GUCY1A1: variants seen among roughly 807,000 people sequenced by gnomAD.
GUCY1A1 encodes the protein guanylate cyclase 1 soluble subunit alpha 1.
In GUCY1A1, 48 loss-of-function variants were observed where a neutral mutation model predicts 64.5. The observed-to-expected ratio is 0.74, with a 90% CI of 0.59 to 0.95. GUCY1A1 has a LOEUF of 0.95. Among genes scored for constraint, GUCY1A1 ranks in the 40% least tolerant of loss-of-function variants. The pLI is 0.00. For missense variants in GUCY1A1, 804 were observed against 825.3 expected (o/e 0.97, Z 0.32); for synonymous variants, 308 against 303.4 (o/e 1.02, Z -0.16).
At chr4:155,688,708 A>G (rs147667527) in intron 2 of GUCY1A1, among the ~76,000 whole-genome samples, 204 of 152,288 alleles carry the variant, frequency 1.3e-3, no homozygotes, top group African/African-American at 3.7e-3. Context: ...AAAACTGTGC[A>G]CTAAAAATAA....
At chr4:155,672,032 C>G (rs962064849) in intron 2 of GUCY1A1, among the ~76,000 whole-genome samples, 7 of 148,678 alleles carry the variant, frequency 4.7e-5, no homozygotes, top group African/African-American at 1.7e-4. Flanking sequence ...TTTTTTTGCA[C>G]TCATACAACA....
intron 2 of GUCY1A1, among the ~76,000 whole-genome samples, chr4:155,670,651 TA>T (rs1734020762): frequency 6.6e-6 from 1 of 152,168 alleles, no homozygotes; most frequent in Non-Finnish European, 1.5e-5. Context: ...GGCTACATCT[TA>T]AAACTTGAGG....
rs747266835 is a variant in GUCY1A1, at chr4:155,710,689, A to G, written c.524A>G (p.His175Arg). The G allele has an allele frequency of 6.2e-7, 1 of 1,614,120 alleles. No homozygotes were observed. Among genetic ancestry groups the G allele is most frequent in the South Asian group, 1.1e-5 (1 of 91,078 alleles). The change falls in exon 6 of 10, where the codon CAT (histidine) becomes CGT (arginine). Residue 175 changes from histidine to arginine, a missense_variant. By Grantham distance (29) the His-to-Arg change is conservative. Coordinates refer to ENST00000506455, the MANE Select transcript of GUCY1A1 (RefSeq NM_001130682.3). ...SFSTLLKQSS[H>R]CQEAGKRGRL... ...AGTACCCTTCTGAAACAGAGCAGCC[A>G]TTGCCAAGAAGCAGGAAAAAGGGGC...
At chr4:155,675,174 T>C (rs1267882387) in intron 2 of GUCY1A1, among the ~76,000 whole-genome samples, 3 of 151,692 alleles carry the variant, frequency 2.0e-5, no homozygotes, top group Non-Finnish European at 4.4e-5. Context: ...AATATCACTT[T>C]GCAGCTTCAA....
rs1579142542 is a variant in GUCY1A1, at chr4:155,730,342, C to G, written c.*111C>G. 4.9e-6 allele frequency: 3 copies of G among 611,760 alleles called. No homozygotes were observed. In the East Asian group the frequency reaches 8.2e-5, roughly 17 times the overall value. The allele number at this position is 611,760 out of a possible 1,614,324, so 37.9% of individuals were successfully genotyped here. ...TGGCTAACAAGCAGTATTAAAATTT[C>G]AGGAGCCAAGTCACAATCTTTCTCC... On this transcript the variant is annotated 3_prime_UTR_variant, in exon 10 of 10. Transcript: ENST00000506455.
At chr4:155,704,315 C>G (rs1252818091) in intron 4 of GUCY1A1, among the ~76,000 whole-genome samples, 1 of 152,150 alleles carries the variant, frequency 6.6e-6, no homozygotes, top group African/African-American at 2.4e-5. Flanking sequence ...TAACAAGCTC[C>G]TGTAAGGCCG....
intron 1 of GUCY1A1, 126 bp downstream of exon 1, chr4:155,667,091 A>G (rs1165254605): frequency 2.0e-5 from 3 of 152,080 alleles, no homozygotes; most frequent in Non-Finnish European, 2.9e-5. Context: ...GGGGTGATCA[A>G]AGAGGGAGAC....
Position 155,696,811 on chromosome 4 carries a change from T to C in GUCY1A1, c.-57T>C, listed in dbSNP as rs993646842. ...TAGTGGCTTCTGTTTGTCAGTCTCA[T>C]ATAAGAACTACAGCTCATCAGGAGG... On this transcript the variant is annotated 5_prime_UTR_variant, in exon 3 of 10. Coordinates refer to ENST00000506455, the MANE Select transcript of GUCY1A1 (RefSeq NM_001130682.3). 2 of 1,542,490 alleles carry C rather than the reference T, an allele frequency of 1.3e-6. No individual in the cohort carries two copies. The highest frequency in any genetic ancestry group is 1.7e-5 in the Admixed American group (1 of 57,896).
At chr4:155,671,338 A>C (rs959803956) in intron 2 of GUCY1A1, among the ~76,000 whole-genome samples, 17 of 152,308 alleles carry the variant, frequency 1.1e-4, no homozygotes, top group African/African-American at 4.1e-4. Context: ...TGTCAGCTTC[A>C]CTTTTAATGT....
At chr4:155,717,880 C>A (rs1733470945) in intron 8 of GUCY1A1, among the ~76,000 whole-genome samples, 2 of 152,184 alleles carry the variant, frequency 1.3e-5, no homozygotes, top group African/African-American at 4.8e-5. Flanking sequence ...TGCAACTGTG[C>A]ATCTGATTTA....
At chr4:155,713,061 T>C in intron 6 of GUCY1A1, 37 bp from the exon 7 acceptor site, 1 of 1,549,440 alleles carries the variant, frequency 6.5e-7, no homozygotes, top group Non-Finnish European at 8.7e-7. Context: ...TGTGGGAAAC[T>C]TGAATAAACC....
At chr4:155,678,233 G>A (rs1014419296) in intron 2 of GUCY1A1, among the ~76,000 whole-genome samples, 1 of 152,104 alleles carries the variant, frequency 6.6e-6, no homozygotes, top group South Asian at 2.1e-4. Flanking sequence ...TGCAATCTGT[G>A]AGAGAATGAG....
At chr4:155,684,733 ACCAACAGC>A (rs1252807875) in intron 2 of GUCY1A1, among the ~76,000 whole-genome samples, 1 of 152,210 alleles carries the variant, frequency 6.6e-6, no homozygotes, top group Non-Finnish European at 1.5e-5. Context: ...TGGCAGAGAC[ACCAACAGC>A]CTTTTTAGCT....
At chr4:155,709,644 G>A (rs1037953095) in intron 5 of GUCY1A1, among the ~76,000 whole-genome samples, 1 of 152,080 alleles carries the variant, frequency 6.6e-6, no homozygotes, top group African/African-American at 2.4e-5. Context: ...GACCAGCCTG[G>A]CCAACATGGT....
chr4:155,696,699 T>C, intron 2 of GUCY1A1, 57 bp from the exon 3 acceptor site: 1 of 557,508 alleles, frequency 1.8e-6, no homozygotes, highest in African/African-American at 1.9e-5. Context: ...TCTTTTTCTG[T>C]TTTCATCCGT....
intron 6 of GUCY1A1, among the ~76,000 whole-genome samples, chr4:155,711,915 G>T (rs144937349): frequency 1.3e-5 from 2 of 152,176 alleles, no homozygotes; most frequent in Admixed American, 1.3e-4. Flanking sequence ...AAAATATATT[G>T]AGATGTTTAA....
At position 155,730,764 on chromosome 4, in the gene GUCY1A1, TTTC is replaced by T. The variant is rs1735456654; in HGVS notation, c.*539_*541del. ...GGCTGACTTTTTTTCTCTATTGCAC[TTTC>T]TTCTTTTTTTCTTTTTAGAAAATAA... On this transcript the variant is annotated 3_prime_UTR_variant, in exon 10 of 10. Coordinates refer to ENST00000506455, the MANE Select transcript of GUCY1A1 (RefSeq NM_001130682.3). 6.5e-6 allele frequency: 1 copy of T among 153,406 alleles called. No individual in the cohort carries two copies. Among genetic ancestry groups the T allele is most frequent in the South Asian group, 2.1e-4 (1 of 4,836 alleles). 9.5% of individuals were successfully genotyped at this position (153,406 alleles called of 1,614,324 possible).
Position 155,702,993 on chromosome 4 carries a change from A to C in GUCY1A1, c.256-939A>C, listed in dbSNP as rs114920234. On this transcript the variant is annotated intron_variant, in intron 3 of 9. Transcript: ENST00000506455. ...AATATATAGTTTTATATATATCTCT[A>C]TATATACACACATATATAGTGAGAG... Among the ~76,000 whole-genome samples the C allele has an allele frequency of 3.2e-3, 480 of 150,692 alleles. 4 individuals carry two copies. Among genetic ancestry groups the C allele is most frequent in the Non-Finnish European group, 4.9e-3 (332 of 67,706 alleles).
At chr4:155,669,759 T>A (rs1733871585) in intron 2 of GUCY1A1, among the ~76,000 whole-genome samples, 1 of 152,204 alleles carries the variant, frequency 6.6e-6, no homozygotes, top group Non-Finnish European at 1.5e-5. Flanking sequence ...TTATCTAACA[T>A]CACTTTTATT....
Sources: allele counts gnomAD v4.1 joint callset (sites outside exome capture counted in the v4.1 genomes callset), GRCh38; gene constraint gnomAD v4.1.1; transcripts MANE v1.5; gene names NCBI Gene and HGNC (gene_info 2026-07-23, HGNC 2026-07-21).